Variants in SPATA13 observed in about 807,000 individuals in gnomAD.
SPATA13 encodes the protein spermatogenesis-associated protein 13.
Under a neutral mutation model 104.0 loss-of-function variants are expected in SPATA13, and 50 were observed. That is an observed-to-expected ratio of 0.48 (90% CI 0.38 to 0.61). The LOEUF is 0.61. Ranked by LOEUF, SPATA13 falls within the 20% of genes least tolerant of loss-of-function variation. The pLI is 0.00. For missense variants in SPATA13, 1,524 were observed against 1,690.6 expected (o/e 0.90, Z 1.73); for synonymous variants, 606 against 667.5 (o/e 0.91, Z 1.42).
At chr13:24,247,153 T>C (rs1873184936) in intron 2 of SPATA13, among the ~76,000 whole-genome samples, 1 of 152,102 alleles carries the variant, frequency 6.6e-6, no homozygotes, top group African/African-American at 2.4e-5. Flanking sequence ...CTCAAAATCA[T>C]TTGTATGCTA....
chr13:24,180,105 T>G (rs1868703835), intron 1 of SPATA13, among the ~76,000 whole-genome samples: 1 of 152,230 alleles, frequency 6.6e-6, no homozygotes, highest in Admixed American at 6.5e-5. Context: ...GAAGATTTTC[T>G]CCCTATTTTT....
At chr13:24,076,970 A>C (rs1199608455) in intron 3 of SPATA13, among the ~76,000 whole-genome samples, 4 of 152,066 alleles carry the variant, frequency 2.6e-5, no homozygotes, top group Non-Finnish European at 5.9e-5. Context: ...CCAGGGGGAT[A>C]CGGCAAAGTC....
chr13:24,083,077 T>A (rs1879595012), intron 3 of SPATA13, among the ~76,000 whole-genome samples: 1 of 152,166 alleles, frequency 6.6e-6, no homozygotes, highest in Non-Finnish European at 1.5e-5. Context: ...GGGTGAAAAT[T>A]CATTTGCTTA....
At chr13:24,014,191 A>C (rs1422833202) in intron 2 of SPATA13, among the ~76,000 whole-genome samples, 2 of 152,136 alleles carry the variant, frequency 1.3e-5, no homozygotes, top group Non-Finnish European at 2.9e-5. Flanking sequence ...TTGGTAGCTT[A>C]ACTCCAGTCT....
intron 3 of SPATA13, among the ~76,000 whole-genome samples, chr13:24,139,936 C>T (rs368686047): frequency 2.0e-4 from 31 of 151,978 alleles, no homozygotes; most frequent in Admixed American, 2.6e-4. Flanking sequence ...GACGTGGTGG[C>T]GGGCACCTGT....
chr13:24,296,128 T>C (rs550014304), intron 10 of SPATA13, among the ~76,000 whole-genome samples: 5 of 152,348 alleles, frequency 3.3e-5, no homozygotes, highest in African/African-American at 1.2e-4. Context: ...TTAACTGAAA[T>C]AGGCTATAGG....
At chr13:24,230,390 G>A (rs549776013) in intron 2 of SPATA13, among the ~76,000 whole-genome samples, 1 of 152,262 alleles carries the variant, frequency 6.6e-6, no homozygotes. Context: ...CCCAAAGGCG[G>A]CAGAATGAAG....
chr13:24,101,364 AT>A (rs112216173), intron 3 of SPATA13, among the ~76,000 whole-genome samples: 3 of 151,868 alleles, frequency 2.0e-5, no homozygotes, highest in East Asian at 1.9e-4. Flanking sequence ...GTTGTACTTG[AT>A]TTTTTTTCAT....
chr13:24,143,027 G>A (rs557174837), intron 3 of SPATA13, among the ~76,000 whole-genome samples: 1 of 152,204 alleles, frequency 6.6e-6, no homozygotes, highest in African/African-American at 2.4e-5. Flanking sequence ...ACAATGGCTT[G>A]AGTCCAAGTT....
In SPATA13 at chr13:24,049,436, T is replaced by G. The variant is rs568769305; in HGVS notation, c.-112+31735T>G. 2.0e-5 allele frequency among the ~76,000 whole-genome samples: 3 copies of G among 152,344 alleles called. No homozygotes were observed. In the East Asian group the frequency reaches 5.8e-4, roughly 29 times the overall value. On this transcript the variant is annotated intron_variant, in intron 3 of 14. Coordinates refer to the SPATA13 transcript ENST00000424834. ...CAGCCTCGCTGTTTGGTGGGCTACA[T>G]TATCTAGGTTTGTGTGAGTACGCTC...
chr13:24,141,952 A>G (rs1306590977), intron 3 of SPATA13, among the ~76,000 whole-genome samples: 1 of 151,882 alleles, frequency 6.6e-6, no homozygotes, highest in East Asian at 1.9e-4. Context: ...GTTGCTGTTT[A>G]CTCACCTCAG....
intron 3 of SPATA13, among the ~76,000 whole-genome samples, chr13:24,037,288 C>T (rs1338277369): frequency 2.7e-5 from 4 of 150,864 alleles, no homozygotes; most frequent in Non-Finnish European, 3.0e-5. Flanking sequence ...ACCAACATGG[C>T]ACATGTATAC....
intron 3 of SPATA13, among the ~76,000 whole-genome samples, chr13:24,118,100 C>A (rs1261917084): frequency 6.6e-6 from 1 of 152,082 alleles, no homozygotes; most frequent in Non-Finnish European, 1.5e-5. Flanking sequence ...AACAGAAAAC[C>A]ACAAGCCCCA....
At chr13:24,220,814 T>C (rs1324823385) in intron 1 of SPATA13, among the ~76,000 whole-genome samples, 2 of 152,230 alleles carry the variant, frequency 1.3e-5, no homozygotes, top group African/African-American at 4.8e-5. Flanking sequence ...TGGGAATCCC[T>C]TCTCACTGGA....
chr13:23,996,811 C>G (rs1225497997), intron 2 of SPATA13, among the ~76,000 whole-genome samples: 1 of 152,190 alleles, frequency 6.6e-6, no homozygotes, highest in East Asian at 1.9e-4. Flanking sequence ...TCCTCCATCT[C>G]CAGAGCCAGC....
chr13:24,174,241 G>C (rs935263873), intron 1 of SPATA13, among the ~76,000 whole-genome samples: 2 of 152,164 alleles, frequency 1.3e-5, no homozygotes, highest in Non-Finnish European at 2.9e-5. Context: ...AAGTTGGTGT[G>C]TGTAGAGTTG....
At chr13:24,143,529 A>G (rs1164907973) in intron 3 of SPATA13, among the ~76,000 whole-genome samples, 1 of 152,192 alleles carries the variant, frequency 6.6e-6, no homozygotes, top group Admixed American at 6.5e-5. Flanking sequence ...GAGTGACCGA[A>G]AGCAGAAAAG....
chr13:24,121,539 A>G (rs914641959), intron 3 of SPATA13, among the ~76,000 whole-genome samples: 2 of 152,214 alleles, frequency 1.3e-5, no homozygotes, highest in Non-Finnish European at 2.9e-5. Flanking sequence ...TGATGAATGA[A>G]AATGATGAAG....
chr13:24,113,885 A>AAAAAAG lies in SPATA13; in HGVS notation c.-112+96188_-112+96193dup, dbSNP rs1880737576. The stretch of plus-strand genomic sequence containing the variant: ...CTCGATCTCAAAAAAAAAAAAAAAA[A>AAAAAAG]AAAAAGAAAGAAAGAAAATATAGTT... On this transcript the variant is annotated intron_variant, in intron 3 of 14. Coordinates refer to the SPATA13 transcript ENST00000424834. Among the ~76,000 whole-genome samples the AAAAAAG allele has an allele frequency of 2.6e-5, 4 of 151,608 alleles. No homozygotes were observed. The South Asian group carries it at 6.2e-4, about 24-fold the overall frequency.
Sources: allele counts gnomAD v4.1 joint callset (sites outside exome capture counted in the v4.1 genomes callset), GRCh38; gene constraint gnomAD v4.1.1; transcripts MANE v1.5; gene names NCBI Gene and HGNC (gene_info 2026-07-23, HGNC 2026-07-21).